Variants in KLK14 observed in about 807,000 individuals in gnomAD.
The protein encoded by KLK14 is kallikrein-14.
In KLK14, 21 loss-of-function variants were observed where a neutral mutation model predicts 24.6. The observed-to-expected ratio is 0.85, with a 90% CI of 0.61 to 1.23. The LOEUF (loss-of-function observed/expected upper bound fraction) is 1.23, where lower values mean the gene tolerates loss of function less well. Among genes scored for constraint, KLK14 ranks in the 50% most tolerant of loss-of-function variants. KLK14 has a pLI of 0.00. For synonymous variants in KLK14, 133 were observed against 139.7 expected (o/e 0.95, Z 0.34); for missense variants, 320 against 338.9 (o/e 0.94, Z 0.44).
chr19:51,080,598 T>G (rs984866470), intron 3 of KLK14, among the ~76,000 whole-genome samples: 1 of 152,216 alleles, frequency 6.6e-6, no homozygotes, highest in Non-Finnish European at 1.5e-5. Context: ...GGGTCTGGGT[T>G]GTAAGTTCAG....
At position 51,078,754 on chromosome 19, in the gene KLK14, A is replaced by T; in HGVS notation, c.603+61T>A. On this transcript the variant is annotated intron_variant, in intron 5 of 5. Coordinates refer to ENST00000650543, the MANE Select transcript of KLK14 (RefSeq NM_001369775.2). The surrounding 1 kb of genome is among the most constrained non-coding windows in gnomAD (Gnocchi z 5.0). ...CTCTGCAGACTTCCATGCTCCTGAC[A>T]TCATTTGCTTAAATCCCAGTCCCAA... is the stretch of plus-strand genomic sequence containing the variant. 3 of 1,589,356 alleles carry T rather than the reference A, an allele frequency of 1.9e-6. No individual in the cohort carries two copies. The highest frequency in any genetic ancestry group is 2.6e-6 in the Non-Finnish European group (3 of 1,166,940).
rs758649547 is a variant in KLK14, at chr19:51,078,768, T to G, written c.603+47A>C. 6.2e-7 allele frequency: 1 copy of G among 1,602,126 alleles called. No individual in the cohort carries two copies. The highest frequency in any genetic ancestry group is 8.5e-7 in the Non-Finnish European group (1 of 1,173,958). ...ATGCTCCTGACATCATTTGCTTAAA[T>G]CCCAGTCCCAAATAATCCCTACCAC... On this transcript the variant is annotated intron_variant, in intron 5 of 5. Coordinates refer to ENST00000650543, the MANE Select transcript of KLK14 (RefSeq NM_001369775.2). The surrounding 1 kb of genome is among the most constrained non-coding windows in gnomAD (Gnocchi z 5.0).
Sources: allele counts gnomAD v4.1 joint callset (sites outside exome capture counted in the v4.1 genomes callset), GRCh38; gene constraint gnomAD v4.1.1; non-coding constraint Gnocchi (gnomAD v3.1); transcripts MANE v1.5; gene names NCBI Gene and HGNC (gene_info 2026-07-23, HGNC 2026-07-21).